Variants in DOCK6 observed in about 807,000 individuals in gnomAD.
DOCK6 encodes dedicator of cytokinesis protein 6.
DOCK6 carries 167 observed loss-of-function variants against 230.3 expected under a neutral mutation model. The ratio of observed to expected loss-of-function variants is 0.73; its 90% confidence interval spans 0.64 to 0.82. DOCK6 has a LOEUF of 0.82. Ranked by LOEUF, DOCK6 falls within the 40% of genes least tolerant of loss-of-function variation. The pLI is 0.00. For missense variants in DOCK6, 2,598 were observed against 2,825.8 expected (o/e 0.92, Z 1.83); for synonymous variants, 1,148 against 1,185.0 (o/e 0.97, Z 0.64).
chr19:11,227,567 GT>G, intron 23 of DOCK6, 90 bp from the exon 24 acceptor site: 1 of 1,470,994 alleles, frequency 6.8e-7, no homozygotes. Context: ...AGGGCTGTGG[GT>G]GGGGCTTGAA....
rs1340713438 is a variant in DOCK6, at chr19:11,243,186, G to T, written c.1387-34C>A. On this transcript the variant is annotated intron_variant, in intron 12 of 47. Coordinates refer to ENST00000294618, the MANE Select transcript of DOCK6 (RefSeq NM_020812.4). This position sits in a 1 kb window ranked among gnomAD's most constrained non-coding sequence, Gnocchi z 6.3. ...GACCCACTCCCGTCAGCCTGGGCCAGGGGGCTAGGGGTCCCCAGGGCTAAT... is the reference window on the plus strand; with the variant it reads ...GACCCACTCCCGTCAGCCTGGGCCATGGGGCTAGGGGTCCCCAGGGCTAAT... The T allele has an allele frequency of 6.2e-7, 1 of 1,612,712 alleles. No individual in the cohort carries two copies. The highest frequency in any genetic ancestry group is 1.7e-5 in the Admixed American group (1 of 59,996).
At chr19:11,221,356 G>C (rs560681102) in intron 28 of DOCK6, 42 of 162,674 alleles carry the variant, frequency 2.6e-4, no homozygotes, top group Non-Finnish European at 8.1e-5. Context: ...AAAAATTCAA[G>C]TGAGAATGGC....
chr19:11,253,871 G>T (rs758346592), intron 1 of DOCK6, 145 bp from the exon 2 acceptor site: 67 of 581,812 alleles, frequency 1.2e-4, no homozygotes, highest in Non-Finnish European at 1.8e-4. Context: ...GGCTTTAAGG[G>T]CCCACAGCTC....
At chr19:11,262,353 G>A in intron 1 of DOCK6, 44 bp downstream of exon 1, 3 of 1,227,866 alleles carry the variant, frequency 2.4e-6, no homozygotes, top group Non-Finnish European at 3.1e-6. Flanking sequence ...GGGCGGAGCC[G>A]GGCCACGTGG....
intron 5 of DOCK6, chr19:11,251,327 T>C (rs1599285789): frequency 1.9e-6 from 1 of 523,720 alleles, no homozygotes; most frequent in Non-Finnish European, 3.4e-6. Flanking sequence ...ATTTGGGGCT[T>C]TAGGTGATCC....
In DOCK6 at chr19:11,236,831, T is replaced by C. The variant is rs1357378354; in HGVS notation, c.2122A>G (p.Ser708Gly). 6.4e-7 allele frequency: 1 copy of C among 1,555,626 alleles called. No homozygotes were observed. The highest frequency in any genetic ancestry group is 2.4e-5 in the East Asian group (1 of 41,190). ...GAGGACACGGCTGTGAGCTCCACAC[T>C]GAACACGCCCTTGTGACCGTCCACC... ...RWVDGHKGVFSVELTAVSSVH... is the reference protein window; with the variant it reads ...RWVDGHKGVFGVELTAVSSVH... The change falls in exon 19 of 48, where the codon AGT becomes GGT. Residue 708 changes from serine (S) to glycine (G), a missense_variant. Physicochemically the swap from Ser to Gly is moderately conservative, Grantham distance 56. Coordinates refer to ENST00000294618, the MANE Select transcript of DOCK6 (RefSeq NM_020812.4). The surrounding 1 kb of genome is among the most constrained non-coding windows in gnomAD (Gnocchi z 5.2).
chr19:11,202,248 G>T lies in DOCK6; in HGVS notation c.5452-123C>A. The T allele has an allele frequency of 7.3e-7, 1 of 1,374,696 alleles. No homozygotes were observed. 85.2% of individuals were successfully genotyped at this position (1,374,696 alleles called of 1,614,324 possible). A position where few individuals can be genotyped will look rare whatever the true frequency, so the allele number is the denominator to read the frequency against. On this transcript the variant is annotated intron_variant, in intron 43 of 47. Coordinates refer to ENST00000294618, the MANE Select transcript of DOCK6 (RefSeq NM_020812.4). The surrounding 1 kb of genome is among the most constrained non-coding windows in gnomAD (Gnocchi z 5.3). ...AAGTCTTCCTATGTCTGGATGTTTG[G>T]GAATCCCCTGAGGAATAGGTTTTGG...
intron 14 of DOCK6, chr19:11,241,552 G>C: frequency 6.4e-7 from 1 of 1,553,708 alleles, no homozygotes. Context: ...AGATCCAGGA[G>C]AGGTGAGCCT....
intron 7 of DOCK6, among the ~76,000 whole-genome samples, chr19:11,246,981 C>T (rs943489193): frequency 3.3e-5 from 5 of 152,230 alleles, no homozygotes; most frequent in Non-Finnish European, 5.9e-5. Context: ...GATACCCGCT[C>T]GCACCCCTCA....
intron 6 of DOCK6, 27 bp from the exon 7 acceptor site, chr19:11,248,178 G>A (rs2080065574): frequency 9.1e-6 from 13 of 1,428,996 alleles, no homozygotes; most frequent in Non-Finnish European, 1.2e-5. Context: ...GTGGGAGCTG[G>A]GCGGGAGGAG....
Position 11,214,653 on chromosome 19 carries a change from GA to G in DOCK6, c.4107-5del. 1 of 1,613,280 alleles carries G rather than the reference GA, an allele frequency of 6.2e-7. No individual in the cohort carries two copies. The highest frequency in any genetic ancestry group is 8.5e-7 in the Non-Finnish European group (1 of 1,179,626). On this transcript the variant is annotated splice_region_variant and splice_polypyrimidine_tract_variant and intron_variant, in intron 32 of 47. Transcript: ENST00000294618. Reference sequence around the variant, plus strand: ...GTGTTCCATTTCATCCTTGGTCCTGGAAGGGGAAAGGAGGTCTTGGGGGCCC... The same window carrying G: ...GTGTTCCATTTCATCCTTGGTCCTGGAGGGGAAAGGAGGTCTTGGGGGCCC...
Position 11,223,079 on chromosome 19 carries a change from C to A in DOCK6, c.2983G>T (p.Ala995Ser), listed in dbSNP as rs564231748. The A allele has an allele frequency of 1.9e-6, 3 of 1,613,616 alleles. No individual in the cohort carries two copies. In the East Asian group the frequency reaches 6.7e-5, roughly 36 times the overall value. ...TCACTGAGGAAGAAAGCCAGGCTGGCGTTGAGGTGCTCGGCCAGCTCCACA... is the reference window on the plus strand; with the variant it reads ...TCACTGAGGAAGAAAGCCAGGCTGGAGTTGAGGTGCTCGGCCAGCTCCACA... ...KDVELAEHLNASLAFFLSDLL... is the reference protein window; with the variant it reads ...KDVELAEHLNSSLAFFLSDLL... The change falls in exon 25 of 48, where the codon GCC becomes TCC. Residue 995 changes from alanine (A) to serine (S), a missense_variant. Physicochemically the swap from Ala to Ser is moderately conservative, Grantham distance 99 (BLOSUM62 1). Transcript: ENST00000294618.
At position 11,237,752 on chromosome 19, in the gene DOCK6, C is replaced by T; in HGVS notation, c.1860G>A (p.Lys620=). 1 of 1,574,594 alleles carries T rather than the reference C, an allele frequency of 6.4e-7. No homozygotes were observed. The highest frequency in any genetic ancestry group is 8.6e-7 in the Non-Finnish European group (1 of 1,160,618). The change falls in exon 17 of 48, where the codon AAG becomes AAA. Residue 620 remains lysine, a synonymous_variant. Coordinates refer to ENST00000294618, the MANE Select transcript of DOCK6 (RefSeq NM_020812.4). ...CTGTCACGCAGGCTGGAAGATGCAG[C>T]TTGAACTCCTCGTAGAACTCGGGGG... is the stretch of plus-strand genomic sequence containing the variant. ...NKSPEFYEEF[K]LHLPACVTEN... is the part of the protein sequence containing the mutation.
At chr19:11,259,049 T>C (rs377001785) in intron 1 of DOCK6, among the ~76,000 whole-genome samples, 1 of 151,934 alleles carries the variant, frequency 6.6e-6, no homozygotes, top group African/African-American at 2.4e-5. Flanking sequence ...ATACCCAGGC[T>C]ACTTTCTTTT....
Position 11,236,957 on chromosome 19 carries a change from C to T in DOCK6, c.2074-78G>A, listed in dbSNP as rs999516246. On this transcript the variant is annotated intron_variant, in intron 18 of 47. Transcript: ENST00000294618. This position sits in a 1 kb window ranked among gnomAD's most constrained non-coding sequence, Gnocchi z 5.2. Reference sequence around the variant, plus strand: ...GGTCACCCAGCGGCCCCAGCCATTGCGACACTGCAGCGTGAGTGTAGCCCG... The same window carrying T: ...GGTCACCCAGCGGCCCCAGCCATTGTGACACTGCAGCGTGAGTGTAGCCCG... 9.1e-6 allele frequency: 13 copies of T among 1,425,354 alleles called. No homozygotes were observed. The highest frequency in any genetic ancestry group is 1.8e-4 in the Middle Eastern group (1 of 5,510). 88.3% of individuals were successfully genotyped at this position (1,425,354 alleles called of 1,614,324 possible).
chr19:11,236,443 G>A lies in DOCK6; in HGVS notation c.2295C>T (p.Arg765=). 1 of 1,590,564 alleles carries A rather than the reference G, an allele frequency of 6.3e-7. No individual in the cohort carries two copies. The highest frequency in any genetic ancestry group is 1.3e-5 in the African/African-American group (1 of 74,638). The change falls in exon 20 of 48, where the codon CGC becomes CGT. Residue 765 remains arginine, a synonymous_variant. Coordinates refer to ENST00000294618, the MANE Select transcript of DOCK6 (RefSeq NM_020812.4). The surrounding 1 kb of genome is among the most constrained non-coding windows in gnomAD (Gnocchi z 5.2). ...CCACAAGGGGTTCGGGGCTGGCCAG[G>A]CGCAGTGCTGCAAGACTGGCCCGCA... ...QELRASLAAL[R]LASPEPLVAF...
rs765742539 is a variant in DOCK6 at position 11,202,681 on chromosome 19, C to A, written c.5264G>T (p.Gly1755Val). ...ERVFGTYFRVGFYGAHFGDLD... is the reference protein window; with the variant it reads ...ERVFGTYFRVVFYGAHFGDLD... ...GTCACCGAAGTGGGCGCCGTAGAAG[C>A]CCACGCGGAAATACGTCCCGAACAC... Residue 1755 changes from glycine to valine, a missense_variant, in exon 42 of 48, where the codon GGC becomes GTC. Gly to Val is a moderately radical substitution (Grantham distance 109, BLOSUM62 -3). Coordinates refer to ENST00000294618, the MANE Select transcript of DOCK6 (RefSeq NM_020812.4). This position sits in a 1 kb window ranked among gnomAD's most constrained non-coding sequence, Gnocchi z 5.3. 5.0e-6 allele frequency: 8 copies of A among 1,613,890 alleles called. No individual in the cohort carries two copies. The highest frequency in any genetic ancestry group is 6.8e-6 in the Non-Finnish European group (8 of 1,179,910).
chr19:11,252,369 G>A lies in DOCK6; in HGVS notation c.377+113C>T, dbSNP rs745958050. 1.2e-4 allele frequency: 186 copies of A among 1,580,272 alleles called. 1 individual carries two copies. Among genetic ancestry groups the A allele is most frequent in the Middle Eastern group, 3.4e-4 (2 of 5,934 alleles). On this transcript the variant is annotated intron_variant, in intron 4 of 47. Coordinates refer to ENST00000294618, the MANE Select transcript of DOCK6 (RefSeq NM_020812.4). ...ACCGTCCTTGTGCTCCACCAGACAA[G>A]TTTGCCTGCTCTTGCAGGGACAATG... is the stretch of plus-strand genomic sequence containing the variant.
intron 39 of DOCK6, among the ~76,000 whole-genome samples, chr19:11,205,149 A>G (rs566232043): frequency 6.6e-6 from 1 of 152,200 alleles, no homozygotes; most frequent in Non-Finnish European, 1.5e-5. Context: ...GCTGACTGTC[A>G]GAAGGCCTGT....
Sources: gnomAD v4.1 joint callset for allele counts (sites outside exome capture counted in the v4.1 genomes callset) on GRCh38, gnomAD v4.1.1 for gene constraint, Gnocchi (gnomAD v3.1) non-coding constraint, MANE v1.5 for transcripts, NCBI Gene and HGNC (gene_info 2026-07-23, HGNC 2026-07-21) for gene names.